Variants in ABLIM1 observed in about 807,000 individuals in gnomAD.
The protein encoded by ABLIM1 is actin binding LIM protein 1.
ABLIM1 carries 40 observed loss-of-function variants against 107.0 expected under a neutral mutation model. The observed-to-expected ratio is 0.37, with a 90% CI of 0.29 to 0.49. ABLIM1 has a LOEUF of 0.49. Ranked by LOEUF, ABLIM1 falls within the 20% of genes least tolerant of loss-of-function variation. The pLI is 0.97. For missense variants in ABLIM1, 857 were observed against 1,008.5 expected, an observed-to-expected ratio of 0.85 and a Z score of 2.04; for synonymous variants, 357 against 357.3, an observed-to-expected ratio of 1.00 and a Z score of 0.01.
chr10:114,709,289 C>T (rs808260), intron 1 of ABLIM1, among the ~76,000 whole-genome samples: 14,750 of 152,072 alleles, frequency 0.097, 869 homozygotes, highest in African/African-American at 0.17. Flanking sequence ...GAGTTTGTTA[C>T]GTAGTGGAAG....
chr10:114,705,295 A>T (rs930284404), intron 1 of ABLIM1, among the ~76,000 whole-genome samples: 2 of 152,206 alleles, frequency 1.3e-5, no homozygotes, highest in African/African-American at 4.8e-5. Context: ...TTACTAAAAT[A>T]AAGTTTATTG....
chr10:114,707,422 G>A lies in ABLIM1; in HGVS notation c.-213+60639C>T, dbSNP rs11816826. On this transcript the variant is annotated intron_variant, in intron 1 of 15. Transcript: ENST00000651092. The surrounding 1 kb of genome is among the most constrained non-coding windows in gnomAD (Gnocchi z 4.1). Reference sequence around the variant, plus strand: ...TAATTTTAAAATTTTTAGTAGAGACGAAGTTCACCATGTTGGCCAGGCTGG... The same window carrying A: ...TAATTTTAAAATTTTTAGTAGAGACAAAGTTCACCATGTTGGCCAGGCTGG... Among the ~76,000 whole-genome samples the A allele has an allele frequency of 0.071, 10,811 of 152,042 alleles. 592 individuals are homozygous for A. The highest frequency in any genetic ancestry group is 0.15 in the African/African-American group (6,256 of 41,472).
intron 1 of ABLIM1, among the ~76,000 whole-genome samples, chr10:114,730,397 CAAA>C (rs59713925): frequency 0.012 from 868 of 73,062 alleles, 5 homozygotes; most frequent in African/African-American, 0.041. Context: ...AACTCCATCT[CAAA>C]AAAAAAAAAA....
At chr10:114,444,411 G>T (rs946111929) in intron 16 of ABLIM1, among the ~76,000 whole-genome samples, 2 of 152,160 alleles carry the variant, frequency 1.3e-5, no homozygotes, top group Non-Finnish European at 2.9e-5. Flanking sequence ...TAAAGAGCCA[G>T]GAGACCTCAG....
chr10:114,710,086 G>A (rs2081515375), intron 1 of ABLIM1, among the ~76,000 whole-genome samples: 1 of 152,158 alleles, frequency 6.6e-6, no homozygotes, highest in Non-Finnish European at 1.5e-5. Flanking sequence ...TGAAGTAAAT[G>A]GTTACTCAGG....
At chr10:114,670,996 G>A (rs924740113) in intron 1 of ABLIM1, among the ~76,000 whole-genome samples, 1 of 152,114 alleles carries the variant, frequency 6.6e-6, no homozygotes, top group African/African-American at 2.4e-5. Flanking sequence ...ATTTTTACAT[G>A]TGTGTACAAC....
intron 1 of ABLIM1, among the ~76,000 whole-genome samples, chr10:114,652,229 C>T (rs975593888): frequency 1.3e-5 from 2 of 152,160 alleles, no homozygotes; most frequent in Non-Finnish European, 2.9e-5. Context: ...GTCTTTTTGA[C>T]AACAAAGCCA....
intron 6 of ABLIM1, among the ~76,000 whole-genome samples, chr10:114,497,330 C>A (rs988384995): frequency 2.6e-5 from 4 of 152,176 alleles, no homozygotes; most frequent in African/African-American, 9.7e-5. Flanking sequence ...CTCACCAGAG[C>A]GCCATCACTG....
chr10:114,713,979 C>T (rs149230673), intron 1 of ABLIM1, among the ~76,000 whole-genome samples: 41 of 152,304 alleles, frequency 2.7e-4, no homozygotes, highest in African/African-American at 8.7e-4. Flanking sequence ...GTGTTGAATT[C>T]ACAGGGTCTA....
the ABLIM1 span, among the ~76,000 whole-genome samples, chr10:114,781,662 G>GTATATATATATATATATATA: frequency 4.3e-5 from 1 of 23,068 alleles, no homozygotes; most frequent in South Asian, 1.4e-3. Context: ...ATATATATGC[G>GTATATATATATATATATATA]TGTATATATA....
intron 17 of ABLIM1, among the ~76,000 whole-genome samples, chr10:114,442,055 TG>T (rs2060274530): frequency 6.6e-6 from 1 of 152,178 alleles, no homozygotes; most frequent in Non-Finnish European, 1.5e-5. Flanking sequence ...TGGAGCTAAG[TG>T]TTCAGCATGC....
At chr10:114,451,443 C>G (rs1017197609) in intron 14 of ABLIM1, among the ~76,000 whole-genome samples, 181 bp downstream of exon 14, 1 of 152,160 alleles carries the variant, frequency 6.6e-6, no homozygotes, top group Non-Finnish European at 1.5e-5. Context: ...AGCTAAGTCT[C>G]TCCATCCAGG....
rs1370783811 is a variant in ABLIM1, at chr10:114,619,565, C to T, written c.245-17604G>A. Among the ~76,000 whole-genome samples the T allele has an allele frequency of 6.6e-6, 1 of 152,108 alleles. No individual in the cohort carries two copies. On this transcript the variant is annotated intron_variant, in intron 1 of 22. Transcript: ENST00000533213. The surrounding 1 kb of genome is among the most constrained non-coding windows in gnomAD (Gnocchi z 4.1). ...TGAATGCTATCCAGCATGTAATGCT[C>T]GACAATGTAGATGAACAGCTGGTCA...
intron 3 of ABLIM1, among the ~76,000 whole-genome samples, chr10:114,574,549 C>A (rs1190939921): frequency 6.6e-6 from 1 of 152,076 alleles, no homozygotes; most frequent in Non-Finnish European, 1.5e-5. Flanking sequence ...AAGCCATTCT[C>A]CTGCCTCAGC....
chr10:114,509,737 G>A (rs1294785102), intron 6 of ABLIM1, among the ~76,000 whole-genome samples: 2 of 152,066 alleles, frequency 1.3e-5, no homozygotes, highest in Admixed American at 1.3e-4. Flanking sequence ...TCCATGCCTT[G>A]GCCATGTGGG....
At chr10:114,646,600 G>A (rs545423445) in intron 1 of ABLIM1, among the ~76,000 whole-genome samples, 4 of 152,258 alleles carry the variant, frequency 2.6e-5, no homozygotes, top group Admixed American at 1.3e-4. Context: ...CCGACCAAAC[G>A]GTATGAAGAT....
intron 4 of ABLIM1, among the ~76,000 whole-genome samples, chr10:114,557,002 C>T (rs528349069): frequency 1.3e-5 from 2 of 152,338 alleles, no homozygotes; most frequent in South Asian, 2.1e-4. Flanking sequence ...AAATTCTATG[C>T]TGCCATTAGC....
intron 6 of ABLIM1, among the ~76,000 whole-genome samples, chr10:114,520,520 T>C (rs992985210): frequency 6.6e-6 from 1 of 152,018 alleles, no homozygotes; most frequent in Non-Finnish European, 1.5e-5. Context: ...GGAGAACTCA[T>C]TCCCAGGGCT....
chr10:114,752,895 G>T (rs564942807), intron 1 of ABLIM1, among the ~76,000 whole-genome samples: 1 of 152,196 alleles, frequency 6.6e-6, no homozygotes, highest in African/African-American at 2.4e-5. Flanking sequence ...GTGCTGCAAT[G>T]AATATATGCG....
Sources: gnomAD v4.1 joint callset for allele counts (sites outside exome capture counted in the v4.1 genomes callset) on GRCh38, gnomAD v4.1.1 for gene constraint, Gnocchi (gnomAD v3.1) non-coding constraint, MANE v1.5 for transcripts, NCBI Gene and HGNC (gene_info 2026-07-23, HGNC 2026-07-21) for gene names.